CFH: variants seen among roughly 807,000 people sequenced by gnomAD.
CFH encodes the protein H factor 1 (complement).
CFH carries 53 observed loss-of-function variants against 147.3 expected under a neutral mutation model. The observed-to-expected ratio is 0.36, with a 90% confidence interval of 0.29 to 0.45. The LOEUF (loss-of-function observed/expected upper bound fraction) is 0.45, where lower values mean the gene tolerates loss of function less well. Ranked by LOEUF, CFH falls within the 20% of genes least tolerant of loss-of-function variation. CFH has a pLI of 1.00. For missense variants in CFH, 1,380 were observed against 1,498.0 expected, an observed-to-expected ratio of 0.92 and a Z score of 1.30; for synonymous variants, 536 against 489.4, an observed-to-expected ratio of 1.10 and a Z score of -1.26.
Position 196,709,139 on chromosome 1 carries a change from T to C in CFH, c.1337-4596T>C, listed in dbSNP as rs116000494. Among the ~76,000 whole-genome samples, 381 of 152,126 alleles carry C rather than the reference T, an allele frequency of 2.5e-3. 3 individuals carry two copies. The highest frequency in any genetic ancestry group is 8.7e-3 in the African/African-American group (361 of 41,514). On this transcript the variant is annotated intron_variant, in intron 9 of 21. Coordinates refer to ENST00000367429, the MANE Select transcript of CFH (RefSeq NM_000186.4). ...AAAATAAAAACCAAACTAAAGAAAA[T>C]ATTTCAGCAGTCTCGCTGGAGACCA...
At chr1:196,701,988 G>A (rs10922103) in intron 9 of CFH, among the ~76,000 whole-genome samples, 98,461 of 152,022 alleles carry the variant, frequency 0.65, 32,349 homozygotes, top group East Asian at 0.95. Context: ...AGAAGGAAGA[G>A]GAATGAGATG....
chr1:196,732,019 C>G (rs1471783726), intron 15 of CFH, among the ~76,000 whole-genome samples: 15 of 151,840 alleles, frequency 9.9e-5, no homozygotes, highest in Admixed American at 9.9e-4. Flanking sequence ...GTGTGGGTTT[C>G]TATTTCTTTC....
At chr1:196,736,004 G>A (rs1489323218) in intron 15 of CFH, among the ~76,000 whole-genome samples, 1 of 151,780 alleles carries the variant, frequency 6.6e-6, no homozygotes, top group Non-Finnish European at 1.5e-5. Context: ...GAAAATCAAG[G>A]GATTATAGAA....
At chr1:196,727,357 A>G (rs2149108872) in intron 14 of CFH, among the ~76,000 whole-genome samples, 1 of 152,148 alleles carries the variant, frequency 6.6e-6, no homozygotes, top group East Asian at 1.9e-4. Flanking sequence ...TTTTGTAATT[A>G]GTTAAGGTGT....
intron 11 of CFH, among the ~76,000 whole-genome samples, chr1:196,722,626 C>A (rs1435850874): frequency 6.6e-6 from 1 of 152,126 alleles, no homozygotes; most frequent in Non-Finnish European, 1.5e-5. Flanking sequence ...ATAAGGATTT[C>A]TATGTCTCTA....
At chr1:196,670,549 C>T (rs1186438482) in intron 1 of CFH, among the ~76,000 whole-genome samples, 1 of 152,136 alleles carries the variant, frequency 6.6e-6, no homozygotes, top group Non-Finnish European at 1.5e-5. Context: ...CCCCTGTTTG[C>T]ACTTCTCTCT....
At chr1:196,695,115 T>A (rs1668206751) in intron 9 of CFH, among the ~76,000 whole-genome samples, 2 of 152,224 alleles carry the variant, frequency 1.3e-5, no homozygotes, top group Admixed American at 6.5e-5. Context: ...GCCTAGGTTT[T>A]TTTCTATGGT....
chr1:196,733,819 A>G (rs1329632923), intron 15 of CFH, among the ~76,000 whole-genome samples: 1 of 152,086 alleles, frequency 6.6e-6, no homozygotes, highest in South Asian at 2.1e-4. Flanking sequence ...GAAGTGCCTG[A>G]TGCAAGTTCA....
intron 1 of CFH, among the ~76,000 whole-genome samples, chr1:196,670,504 A>T (rs941734371): frequency 6.6e-6 from 1 of 152,116 alleles, no homozygotes; most frequent in African/African-American, 2.4e-5. Context: ...ATGAGTTCTC[A>T]TGAGGTTTGA....
intron 6 of CFH, among the ~76,000 whole-genome samples, chr1:196,684,307 C>G (rs527909418): frequency 6.6e-6 from 1 of 152,064 alleles, no homozygotes; most frequent in South Asian, 2.1e-4. Context: ...GACATTTTAT[C>G]TGGCCCTTTA....
intron 3 of CFH, among the ~76,000 whole-genome samples, chr1:196,674,483 G>C (rs1353670237): frequency 6.6e-6 from 1 of 152,112 alleles, no homozygotes; most frequent in Non-Finnish European, 1.5e-5. Context: ...CATTGACTCT[G>C]TTCCTTCTAA....
chr1:196,720,611 G>A (rs539416612), intron 11 of CFH, among the ~76,000 whole-genome samples: 3 of 151,820 alleles, frequency 2.0e-5, no homozygotes, highest in Admixed American at 6.6e-5. Context: ...CTGAAGGCAT[G>A]ATTTTATTCT....
intron 9 of CFH, chr1:196,692,306 T>A: frequency 5.0e-6 from 2 of 401,486 alleles, no homozygotes; most frequent in Non-Finnish European, 6.7e-6. Context: ...TCTTTTTGCT[T>A]CATCAGTCTC....
chr1:196,688,324 G>T (rs1667898334), intron 7 of CFH, among the ~76,000 whole-genome samples: 1 of 151,784 alleles, frequency 6.6e-6, no homozygotes, highest in African/African-American at 2.4e-5. Flanking sequence ...TAATTATATT[G>T]TACCTTACTT....
chr1:196,702,389 G>C (rs767572208), intron 9 of CFH, among the ~76,000 whole-genome samples: 26 of 152,084 alleles, frequency 1.7e-4, no homozygotes, highest in African/African-American at 9.7e-5. Context: ...GCTTACAGGA[G>C]GTGTTGCTGC....
At chr1:196,652,298 T>A (rs189174054) in intron 1 of CFH, 123 bp downstream of exon 1, 55 of 718,510 alleles carry the variant, frequency 7.7e-5, no homozygotes, top group Non-Finnish European at 8.6e-5. Context: ...AACTTGACAA[T>A]TGAGTGGCTT....
At chr1:196,742,755 A>T (rs1652853102) in intron 19 of CFH, among the ~76,000 whole-genome samples, 1 of 152,230 alleles carries the variant, frequency 6.6e-6, no homozygotes, top group Non-Finnish European at 1.5e-5. Context: ...AGTGAGAAGC[A>T]TTGCTATAGT....
intron 1 of CFH, among the ~76,000 whole-genome samples, chr1:196,662,588 T>C (rs1041168577): frequency 2.0e-5 from 3 of 152,272 alleles, no homozygotes. Context: ...TTCTCTCAAA[T>C]TTTATTAATC....
chr1:196,704,286 GGTTTCACCAT>G (rs1448361645), intron 9 of CFH, among the ~76,000 whole-genome samples: 2 of 152,006 alleles, frequency 1.3e-5, no homozygotes, highest in Non-Finnish European at 2.9e-5. Flanking sequence ...GTAGAGACAG[GGTTTCACCAT>G]GTTTGCCTGG....
Sources: gnomAD v4.1 joint callset for allele counts (sites outside exome capture counted in the v4.1 genomes callset) on GRCh38, gnomAD v4.1.1 for gene constraint, MANE v1.5 for transcripts, NCBI Gene and HGNC (gene_info 2026-07-23, HGNC 2026-07-21) for gene names.